Variants in TRIML2 observed in about 807,000 individuals in gnomAD.
TRIML2 encodes the protein tripartite motif family like 2.
Under a neutral mutation model 31.2 loss-of-function variants are expected in TRIML2, and 28 were observed. That is an observed-to-expected ratio of 0.90 (90% confidence interval 0.66 to 1.23). TRIML2 has a LOEUF of 1.23. TRIML2 is among the 50% of genes most tolerant of loss of function. TRIML2 has a pLI of 0.00. For missense variants in TRIML2, 536 were observed against 528.3 expected, an observed-to-expected ratio of 1.01 and a Z score of -0.14; for synonymous variants, 187 against 197.5, an observed-to-expected ratio of 0.95 and a Z score of 0.45.
chr4:188,101,496 C>T (rs1733788962), intron 3 of TRIML2, among the ~76,000 whole-genome samples: 1 of 151,478 alleles, frequency 6.6e-6, no homozygotes, highest in Non-Finnish European at 1.5e-5. Context: ...GAGATCGAGA[C>T]CATACTGGCC....
chr4:188,094,776 G>A (rs1413450203), intron 7 of TRIML2, among the ~76,000 whole-genome samples: 1 of 152,154 alleles, frequency 6.6e-6, no homozygotes, highest in Admixed American at 6.6e-5. Flanking sequence ...AAGCCAACAA[G>A]CTGATTTCAA....
At chr4:188,106,918 C>T in intron 1 of TRIML2, 1 of 236,474 alleles carries the variant, frequency 4.2e-6, no homozygotes, top group East Asian at 1.2e-4. Flanking sequence ...CCCCAATGTC[C>T]TTCTTAAGTC....
intron 4 of TRIML2, among the ~76,000 whole-genome samples, chr4:188,100,352 T>A (rs1480790777): frequency 6.6e-6 from 1 of 152,124 alleles, no homozygotes; most frequent in African/African-American, 2.4e-5. Flanking sequence ...AAGTCAAAGG[T>A]TAAGCAGCAG....
At chr4:188,097,000 T>A in intron 7 of TRIML2, 61 bp downstream of exon 7, 2 of 1,226,494 alleles carry the variant, frequency 1.6e-6, no homozygotes, top group Non-Finnish European at 2.4e-6. Context: ...TATGGCAGGA[T>A]GGTCACCTGA....
chr4:188,103,690 G>A (rs756383143), intron 3 of TRIML2, among the ~76,000 whole-genome samples: 2 of 152,016 alleles, frequency 1.3e-5, no homozygotes, highest in African/African-American at 4.8e-5. Flanking sequence ...CACTTCCCAG[G>A]TAACATACTA....
chr4:188,101,855 G>A (rs932366507), intron 3 of TRIML2, among the ~76,000 whole-genome samples: 1 of 151,920 alleles, frequency 6.6e-6, no homozygotes, highest in Non-Finnish European at 1.5e-5. Flanking sequence ...AATTGGCTGG[G>A]CGCGGTGGTT....
intron 7 of TRIML2, among the ~76,000 whole-genome samples, chr4:188,094,937 C>G (rs1007735916): frequency 1.3e-5 from 2 of 152,116 alleles, no homozygotes; most frequent in Non-Finnish European, 2.9e-5. Context: ...AGTCAACCAT[C>G]AATAGACCTA....
chr4:188,101,650 C>T (rs1181592309), intron 3 of TRIML2, among the ~76,000 whole-genome samples: 3 of 151,802 alleles, frequency 2.0e-5, no homozygotes, highest in Admixed American at 6.6e-5. Flanking sequence ...GCAGAGATTA[C>T]GCCACTGCAC....
At chr4:188,102,431 C>T (rs1326938859) in intron 3 of TRIML2, among the ~76,000 whole-genome samples, 1 of 152,120 alleles carries the variant, frequency 6.6e-6, no homozygotes, top group African/African-American at 2.4e-5. Context: ...GTCAATTAGA[C>T]ATCCAAGTAA....
At chr4:188,107,280 G>A (rs986745421) in intron 1 of TRIML2, among the ~76,000 whole-genome samples, 2 of 152,102 alleles carry the variant, frequency 1.3e-5, no homozygotes, top group Admixed American at 6.6e-5. Context: ...CCTCAGTGCT[G>A]GGATTACAGG....
At chr4:188,107,988 A>G (rs1170983515) in intron 1 of TRIML2, among the ~76,000 whole-genome samples, 2 of 152,152 alleles carry the variant, frequency 1.3e-5, no homozygotes, top group Non-Finnish European at 2.9e-5. Flanking sequence ...CACCAAAACA[A>G]AGAAATTCAC....
intron 5 of TRIML2, 136 bp from the exon 6 acceptor site, chr4:188,097,482 T>G: frequency 1.2e-6 from 1 of 809,980 alleles, no homozygotes; most frequent in Non-Finnish European, 2.1e-6. Context: ...AGTTATCAGA[T>G]GAACAAATTC....
intron 7 of TRIML2, among the ~76,000 whole-genome samples, chr4:188,096,758 G>A (rs1335560288): frequency 6.6e-6 from 1 of 151,676 alleles, no homozygotes; most frequent in East Asian, 2.0e-4. Context: ...CTGGGTTCAA[G>A]CAATTCTCCC....
chr4:188,098,369 G>A lies in TRIML2; in HGVS notation c.621+666C>T, dbSNP rs551221677. 2.6e-4 allele frequency: 88 copies of A among 344,286 alleles called. No homozygotes were observed. The Middle Eastern group carries it at 3.3e-3, about 13-fold the overall frequency. The allele number at this position is 344,286 out of a possible 1,614,324, so 21.3% of individuals were successfully genotyped here. On this transcript the variant is annotated intron_variant, in intron 5 of 7. Transcript: ENST00000682553. ...AAGCTGAAGGGGTGAGGTCTTCCTC[G>A]GCCTCTTTTATAAGAGCCCTAATCC...
chr4:188,094,089 T>C (rs1177243808), intron 7 of TRIML2, among the ~76,000 whole-genome samples: 2 of 129,144 alleles, frequency 1.5e-5, no homozygotes, highest in African/African-American at 3.2e-5. Context: ...AGACAGCATC[T>C]CAAAAAACAA....
rs759161502 is a variant in TRIML2, at chr4:188,091,691, G to A, written c.996C>T (p.Ala332=). Residue 332 remains alanine, a synonymous_variant, in exon 8 of 8, where the codon GCC becomes GCT. Transcript: ENST00000682553. ...GCAAGACTTTCTCTCCGGAAGCTCT[G>A]GCCGTGCTGCCCTTCGCGTCTGCAG... ...HGSADAKGST[A]RASGEKVLLT... The A allele has an allele frequency of 1.2e-6, 2 of 1,613,162 alleles. No homozygotes were observed. The highest frequency in any genetic ancestry group is 3.3e-5 in the Admixed American group (2 of 59,994).
intron 3 of TRIML2, among the ~76,000 whole-genome samples, chr4:188,103,847 T>C (rs1733912065): frequency 6.6e-6 from 1 of 152,068 alleles, no homozygotes; most frequent in African/African-American, 2.4e-5. Flanking sequence ...GAACACATGG[T>C]ACTTGGAACT....
chr4:188,094,176 A>C (rs1344519859), intron 7 of TRIML2, among the ~76,000 whole-genome samples: 1 of 152,176 alleles, frequency 6.6e-6, no homozygotes, highest in African/African-American at 2.4e-5. Flanking sequence ...ATCAGAATTT[A>C]GAGTGAAAAG....
At chr4:188,104,517 C>T (rs1216255276) in intron 3 of TRIML2, among the ~76,000 whole-genome samples, 1 of 151,906 alleles carries the variant, frequency 6.6e-6, no homozygotes, top group Non-Finnish European at 1.5e-5. Flanking sequence ...CTCGTGCAAC[C>T]ACACCCAGCT....
Sources: allele counts gnomAD v4.1 joint callset (sites outside exome capture counted in the v4.1 genomes callset), GRCh38; gene constraint gnomAD v4.1.1; transcripts MANE v1.5; gene names NCBI Gene and HGNC (gene_info 2026-07-23, HGNC 2026-07-21).